The following TRAPPC6B variants were observed in gnomAD, a reference collection of about 807,000 sequenced individuals.
TRAPPC6B encodes trafficking protein particle complex subunit 6B, also known as TRAPP complex subunit 6B.
In TRAPPC6B, 27 loss-of-function variants were observed where a neutral mutation model predicts 24.7. That is an observed-to-expected ratio of 1.09 (90% CI 0.81 to 1.51). The LOEUF is 1.51. Among genes scored for constraint, TRAPPC6B ranks in the 40% most tolerant of loss-of-function variants. The pLI is 0.00. For synonymous variants in TRAPPC6B, 80 were observed against 66.6 expected, an observed-to-expected ratio of 1.20 and a Z score of -0.98; for missense variants, 212 against 190.8, an observed-to-expected ratio of 1.11 and a Z score of -0.66.
rs1594549254 is a variant in TRAPPC6B at position 39,170,291 on chromosome 14, C to G, written c.-196G>C. 1 of 580,246 alleles carries G rather than the reference C, an allele frequency of 1.7e-6. No homozygotes were observed. The highest frequency in any genetic ancestry group is 3.4e-5 in the Admixed American group (1 of 29,770). The allele number at this position is 580,246 out of a possible 1,614,324, so 35.9% of individuals were successfully genotyped here. On this transcript the variant is annotated 5_prime_UTR_variant, in exon 1 of 6. Transcript: ENST00000330149. Reference sequence around the variant, plus strand: ...AAATGAGTCTGGTACTGGAGAGAGCCCACACTTCGGGGCTACCAAATCCTA... The same window carrying G: ...AAATGAGTCTGGTACTGGAGAGAGCGCACACTTCGGGGCTACCAAATCCTA...
rs144205574 is a variant in TRAPPC6B at position 39,151,847 on chromosome 14, G to GA, written c.352-9dup. ...ACACGTAAATGCTAAATACTAAAAG[G>GA]AAAAAAAATCATTAAAAATAGTAAG... On this transcript the variant is annotated splice_polypyrimidine_tract_variant and intron_variant, in intron 4 of 5. Transcript: ENST00000330149. 8,808 of 1,558,592 alleles carry GA rather than the reference G, an allele frequency of 5.7e-3. 376 individuals carry two copies. The African/African-American group carries it at 0.1, about 18-fold the overall frequency.
chr14:39,152,924 T>A (rs62000578), intron 4 of TRAPPC6B, among the ~76,000 whole-genome samples: 2 of 152,132 alleles, frequency 1.3e-5, no homozygotes, highest in African/African-American at 4.8e-5. Context: ...CCCAGCACTT[T>A]GGGAGGCTGT....
intron 1 of TRAPPC6B, among the ~76,000 whole-genome samples, chr14:39,163,348 G>C (rs1366778711): frequency 1.4e-5 from 2 of 147,550 alleles, no homozygotes; most frequent in Admixed American, 6.7e-5. Flanking sequence ...TCCAGTCTGG[G>C]TGACAGGGCG....
intron 1 of TRAPPC6B, among the ~76,000 whole-genome samples, chr14:39,160,773 G>C (rs935231799): frequency 3.3e-5 from 5 of 152,166 alleles, no homozygotes; most frequent in Admixed American, 6.6e-5. Context: ...ACAATGAAAA[G>C]TTGCACTAAC....
intron 1 of TRAPPC6B, among the ~76,000 whole-genome samples, chr14:39,168,669 C>T (rs2053133317): frequency 6.6e-6 from 1 of 152,108 alleles, no homozygotes; most frequent in Non-Finnish European, 1.5e-5. Context: ...AACCCAGCTG[C>T]TCAAGCTGAA....
In TRAPPC6B at chr14:39,148,609, A is replaced by AT; in HGVS notation, c.*1740dup. 2.5e-6 allele frequency: 1 copy of AT among 398,364 alleles called. No individual in the cohort carries two copies. The highest frequency in any genetic ancestry group is 4.4e-6 in the Non-Finnish European group (1 of 225,950). 24.7% of individuals were successfully genotyped at this position (398,364 alleles called of 1,614,324 possible). The stretch of plus-strand genomic sequence containing the variant: ...ATTTTGAAGTTCTCTATTGTGTTCT[A>AT]TTTTGATCTACTTCTGTGTCATTAG... On this transcript the variant is annotated 3_prime_UTR_variant, in exon 6 of 6. Coordinates refer to ENST00000330149, the MANE Select transcript of TRAPPC6B (RefSeq NM_001079537.2).
At chr14:39,152,711 T>C (rs75007491) in intron 4 of TRAPPC6B, among the ~76,000 whole-genome samples, 4,567 of 152,214 alleles carry the variant, frequency 0.03, 235 homozygotes, top group African/African-American at 0.1. Flanking sequence ...ATAAAAACCA[T>C]GTATATGTGC....
rs1049358809 is a variant in TRAPPC6B, at chr14:39,148,966, C to T, written c.*1384G>A. 5.2e-6 allele frequency: 2 copies of T among 386,970 alleles called. No individual in the cohort carries two copies. Among genetic ancestry groups the T allele is most frequent in the African/African-American group, 4.1e-5 (2 of 48,362 alleles). 24.0% of individuals were successfully genotyped at this position (386,970 alleles called of 1,614,324 possible). ...GGACACTGTAACACAATGGTAAGTA[C>T]TTGCATATCTAAACATAAAGAAGGT... On this transcript the variant is annotated 3_prime_UTR_variant, in exon 6 of 6. Coordinates refer to ENST00000330149, the MANE Select transcript of TRAPPC6B (RefSeq NM_001079537.2).
rs752061285 is a variant in TRAPPC6B, at chr14:39,170,049, G to C, written c.47C>G (p.Ser16Cys). The change falls in exon 1 of 6, where the codon TCT becomes TGT. Residue 16 changes from serine (S) to cysteine (C), a missense_variant. Coordinates refer to ENST00000330149, the MANE Select transcript of TRAPPC6B (RefSeq NM_001079537.2). ...CTGCTCCGCGGACTTGTACACTCCA[G>C]ACACCATCTCGTTATGGAGAAGCAA... is the stretch of plus-strand genomic sequence containing the variant. The part of the protein sequence containing the change: ...LFLLLHNEMV[S>C]GVYKSAEQGE... The C allele has an allele frequency of 3.1e-6, 5 of 1,614,166 alleles. No individual in the cohort carries two copies. The highest frequency in any genetic ancestry group is 2.2e-5 in the South Asian group (2 of 91,086).
chr14:39,168,834 T>C (rs535052287), intron 1 of TRAPPC6B, among the ~76,000 whole-genome samples: 1 of 152,224 alleles, frequency 6.6e-6, no homozygotes, highest in African/African-American at 2.4e-5. Context: ...TAATAAAGGA[T>C]TTTCCCCCTA....
chr14:39,157,578 G>C, intron 3 of TRAPPC6B: 1 of 379,144 alleles, frequency 2.6e-6, no homozygotes, highest in Non-Finnish European at 5.1e-6. Flanking sequence ...TGCCTGCCTT[G>C]TGTCATAAAA....
In TRAPPC6B at chr14:39,168,225, A is replaced by AC. The variant is rs2053127959; in HGVS notation, c.81+1789_81+1790insG. Among the ~76,000 whole-genome samples the AC allele has an allele frequency of 2.6e-5, 4 of 151,972 alleles. No individual in the cohort carries two copies. In the South Asian group the frequency reaches 8.3e-4, roughly 32 times the overall value. On this transcript the variant is annotated intron_variant, in intron 1 of 5. Transcript: ENST00000330149. Reference sequence around the variant, plus strand: ...GAACAAAACTCCATCTAAAAAAAAAAAAAAAGAGAGAGAGAGAAGAGGAAA... The same window carrying AC: ...GAACAAAACTCCATCTAAAAAAAAAACAAAAAGAGAGAGAGAGAAGAGGAAA...
At position 39,163,749 on chromosome 14, in the gene TRAPPC6B, C is replaced by T. The variant is rs1030274389; in HGVS notation, c.82-4199G>A. ...AAACTTTCTTCTAAGGAACCATGCA[C>T]TCTGCTTATGGTGCTGTGACTATTA... On this transcript the variant is annotated intron_variant, in intron 1 of 5. Coordinates refer to ENST00000330149, the MANE Select transcript of TRAPPC6B (RefSeq NM_001079537.2). Among the ~76,000 whole-genome samples the T allele has an allele frequency of 1.2e-4, 18 of 151,130 alleles. 3 individuals are homozygous for T. Among genetic ancestry groups the T allele is most frequent in the African/African-American group, 4.5e-4 (18 of 40,416 alleles).
At chr14:39,166,240 C>A (rs1193216799) in intron 1 of TRAPPC6B, among the ~76,000 whole-genome samples, 1 of 148,478 alleles carries the variant, frequency 6.7e-6, no homozygotes, top group African/African-American at 2.5e-5. Context: ...CACACTAACC[C>A]AGAGACTTGT....
At chr14:39,167,048 A>G (rs1178291572) in intron 1 of TRAPPC6B, among the ~76,000 whole-genome samples, 1 of 152,202 alleles carries the variant, frequency 6.6e-6, no homozygotes, top group South Asian at 2.1e-4. Context: ...GGGCAGTTAC[A>G]ATATGCTTAT....
At chr14:39,158,569 G>A in intron 2 of TRAPPC6B, 167 bp from the exon 3 acceptor site, 1 of 539,356 alleles carries the variant, frequency 1.9e-6, no homozygotes, top group Non-Finnish European at 3.2e-6. Flanking sequence ...CCAGGTTAGA[G>A]TGCAATAGCA....
chr14:39,160,227 G>C (rs1413459864), intron 1 of TRAPPC6B, among the ~76,000 whole-genome samples: 1 of 152,108 alleles, frequency 6.6e-6, no homozygotes, highest in Non-Finnish European at 1.5e-5. Context: ...CATCTTAACT[G>C]TCAGAGGTTC....
chr14:39,153,662 C>T (rs566836299), intron 4 of TRAPPC6B, among the ~76,000 whole-genome samples: 140 of 149,008 alleles, frequency 9.4e-4, no homozygotes, highest in African/African-American at 2.9e-3. Context: ...TACCATACAT[C>T]TACATTTCAC....
intron 1 of TRAPPC6B, among the ~76,000 whole-genome samples, chr14:39,164,319 C>G (rs2053086965): frequency 6.6e-6 from 1 of 152,126 alleles, no homozygotes; most frequent in African/African-American, 2.4e-5. Flanking sequence ...GGAAAAACCC[C>G]ATCTCTACTA....
Sources: gnomAD v4.1 joint callset for allele counts (sites outside exome capture counted in the v4.1 genomes callset) on GRCh38, gnomAD v4.1.1 for gene constraint, MANE v1.5 for transcripts, NCBI Gene and HGNC (gene_info 2026-07-23, HGNC 2026-07-21) for gene names.